STK32B: variants seen among roughly 807,000 people sequenced by gnomAD.
The protein encoded by STK32B is serine/threonine kinase 32B, also known as serine/threonine-protein kinase 32B.
In STK32B, 43 loss-of-function variants were observed where a neutral mutation model predicts 52.6. The ratio of observed to expected loss-of-function variants is 0.82; its 90% confidence interval spans 0.64 to 1.05. STK32B has a LOEUF of 1.05. Among genes scored for constraint, STK32B ranks in the 50% least tolerant of loss-of-function variants. STK32B has a pLI of 0.00. For synonymous variants in STK32B, 238 were observed against 204.3 expected (o/e 1.17, Z -1.41); for missense variants, 621 against 534.6 (o/e 1.16, Z -1.59).
At chr4:5,345,225 C>T (rs912613775) in intron 4 of STK32B, 12 of 150,640 alleles carry the variant, frequency 8.0e-5, no homozygotes, top group Admixed American at 6.6e-4. Flanking sequence ...GGTTTAAGCC[C>T]AGATATTATT....
At chr4:5,200,465 C>G (rs1309990329) in intron 3 of STK32B, among the ~76,000 whole-genome samples, 3 of 152,116 alleles carry the variant, frequency 2.0e-5, no homozygotes, top group Non-Finnish European at 4.4e-5. Flanking sequence ...GCCAGGGAGT[C>G]GTGGCTCCCA....
chr4:5,227,711 C>A (rs562555745), intron 3 of STK32B, among the ~76,000 whole-genome samples: 3 of 152,162 alleles, frequency 2.0e-5, no homozygotes, highest in Non-Finnish European at 4.4e-5. Flanking sequence ...TTTCTCCCCC[C>A]CTGGAGAGAA....
At chr4:5,118,501 C>T (rs1714857740) in intron 1 of STK32B, among the ~76,000 whole-genome samples, 2 of 152,204 alleles carry the variant, frequency 1.3e-5, no homozygotes, top group South Asian at 4.1e-4. Flanking sequence ...CGTGAATGAG[C>T]TTCTCATCAG....
intron 7 of STK32B, among the ~76,000 whole-genome samples, chr4:5,449,291 C>T (rs1425859938): frequency 6.6e-6 from 1 of 152,172 alleles, no homozygotes. Flanking sequence ...TGCAGTGAGC[C>T]AAGATCGTGC....
At chr4:5,267,583 G>T (rs1727136441) in intron 3 of STK32B, among the ~76,000 whole-genome samples, 1 of 152,158 alleles carries the variant, frequency 6.6e-6, no homozygotes, top group Non-Finnish European at 1.5e-5. Flanking sequence ...CTCGCCCAGG[G>T]TCGCGCAGCA....
Position 5,485,437 on chromosome 4 carries a change from A to G in STK32B, c.1107-13508A>G, listed in dbSNP as rs575880328. 1.7e-4 allele frequency among the ~76,000 whole-genome samples: 26 copies of G among 152,102 alleles called. No individual in the cohort carries two copies. In the East Asian group the frequency reaches 2.9e-3, roughly 17 times the overall value. ...TTCTCGTGCCATGGTTTTCAGCTCT[A>G]TCAGGTCCTTTAAGGACTTCTCTGT... On this transcript the variant is annotated intron_variant, in intron 11 of 11. Transcript: ENST00000282908.
chr4:5,443,559 A>T (rs1488551850), intron 6 of STK32B, among the ~76,000 whole-genome samples: 1 of 151,992 alleles, frequency 6.6e-6, no homozygotes, highest in Non-Finnish European at 1.5e-5. Context: ...ATGTCCTCCC[A>T]TAGCTCAGAG....
chr4:5,044,656 G>A, the STK32B span, among the ~76,000 whole-genome samples: 1 of 152,096 alleles, frequency 6.6e-6, no homozygotes, highest in East Asian at 1.9e-4. Context: ...CTGTCATTTC[G>A]GCACTTTGGG....
chr4:5,152,549 C>T (rs1223995531), intron 2 of STK32B, among the ~76,000 whole-genome samples: 3 of 152,244 alleles, frequency 2.0e-5, no homozygotes, highest in African/African-American at 7.2e-5. Context: ...GATCAAGCCA[C>T]TCACCCCGGT....
the STK32B span, among the ~76,000 whole-genome samples, chr4:5,021,073 CAG>C: frequency 6.6e-6 from 1 of 152,238 alleles, no homozygotes; most frequent in Non-Finnish European, 1.5e-5. Context: ...ATCCTGGACA[CAG>C]GGCTGGACTG....
chr4:5,317,181 T>TATATATATAACATATA lies in STK32B; in HGVS notation c.261-14038_261-14023dup, dbSNP rs1560313102. Among the ~76,000 whole-genome samples the TATATATATAACATATA allele has an allele frequency of 1.5e-4, 7 of 46,346 alleles. No homozygotes were observed. In the East Asian group the frequency reaches 4.5e-3, roughly 29 times the overall value. 30.4% of individuals were successfully genotyped at this position (46,346 alleles called of 152,430 possible). ...TATTACATATATATAACATATAATA[T>TATATATATAACATATA]ATATATATAACATATATATATTATA... On this transcript the variant is annotated intron_variant, in intron 3 of 11. Transcript: ENST00000282908.
intron 3 of STK32B, among the ~76,000 whole-genome samples, chr4:5,318,479 A>G (rs1387901749): frequency 6.6e-6 from 1 of 152,130 alleles, no homozygotes; most frequent in East Asian, 1.9e-4. Flanking sequence ...GAGAAAAAAA[A>G]AGTTAGGAGC....
At chr4:5,336,095 T>G (rs1732662778) in intron 4 of STK32B, among the ~76,000 whole-genome samples, 1 of 149,008 alleles carries the variant, frequency 6.7e-6, no homozygotes, top group Non-Finnish European at 1.5e-5. Context: ...CTGCCTGGGT[T>G]GGGATACTGT....
At chr4:5,302,045 G>C (rs28576563) in intron 3 of STK32B, among the ~76,000 whole-genome samples, 1 of 151,042 alleles carries the variant, frequency 6.6e-6, no homozygotes, top group African/African-American at 2.4e-5. Context: ...ACATTTTCTA[G>C]TATGCTATTT....
chr4:5,123,217 T>C (rs1212941127), intron 1 of STK32B, among the ~76,000 whole-genome samples: 1 of 152,172 alleles, frequency 6.6e-6, no homozygotes, highest in African/African-American at 2.4e-5. Context: ...CTTCTCTGGC[T>C]GTGTCCCGTG....
chr4:5,051,614 C>A lies in STK32B; in HGVS notation c.-250C>A. On this transcript the variant is annotated 5_prime_UTR_variant, in exon 1 of 12. Coordinates refer to ENST00000282908, the MANE Select transcript of STK32B (RefSeq NM_018401.3). ...GGGCACTGGAGTAAGGAGCTGCGAG[C>A]GCAGCCCGAGGCGGGGCACGGCGGA... The A allele has an allele frequency of 4.0e-6, 2 of 499,918 alleles. No homozygotes were observed. The highest frequency in any genetic ancestry group is 6.9e-6 in the Non-Finnish European group (2 of 288,540). 31.0% of individuals were successfully genotyped at this position (499,918 alleles called of 1,614,324 possible). A position where few individuals can be genotyped will look rare whatever the true frequency, so the allele number is the denominator to read the frequency against.
chr4:5,283,099 C>G (rs1208975075), intron 3 of STK32B, among the ~76,000 whole-genome samples: 1 of 152,106 alleles, frequency 6.6e-6, no homozygotes, highest in Non-Finnish European at 1.5e-5. Context: ...CCTCCCTAGC[C>G]TCTGATAACC....
At chr4:5,492,119 G>A (rs2108727122) in intron 11 of STK32B, among the ~76,000 whole-genome samples, 1 of 152,324 alleles carries the variant, frequency 6.6e-6, no homozygotes, top group African/African-American at 2.4e-5. Flanking sequence ...TGTGAGGAAA[G>A]TCATTGGTAG....
chr4:5,308,682 T>A (rs556677217), intron 3 of STK32B, among the ~76,000 whole-genome samples: 1 of 152,290 alleles, frequency 6.6e-6, no homozygotes, highest in East Asian at 1.9e-4. Flanking sequence ...CCAGAGCACC[T>A]AAACCAGTGC....
Sources: allele counts gnomAD v4.1 joint callset (sites outside exome capture counted in the v4.1 genomes callset), GRCh38; gene constraint gnomAD v4.1.1; transcripts MANE v1.5; gene names NCBI Gene and HGNC (gene_info 2026-07-23, HGNC 2026-07-21).